The following KLHL1 variants were observed in gnomAD, a reference collection of about 807,000 sequenced individuals.
The protein encoded by KLHL1 is kelch-like protein 1.
A neutral mutation model predicts 77.7 loss-of-function variants in KLHL1; 47 were observed. The ratio of observed to expected loss-of-function variants is 0.60; its 90% confidence interval spans 0.48 to 0.77. The LOEUF is 0.77. Ranked by LOEUF, KLHL1 falls within the 30% of genes least tolerant of loss-of-function variation. The pLI is 0.00. For missense variants in KLHL1, 925 were observed against 910.8 expected, an observed-to-expected ratio of 1.02 and a Z score of -0.20; for synonymous variants, 360 against 325.2, an observed-to-expected ratio of 1.11 and a Z score of -1.15.
chr13:69,965,247 C>T (rs1230879910), intron 2 of KLHL1, among the ~76,000 whole-genome samples: 1 of 152,102 alleles, frequency 6.6e-6, no homozygotes, highest in Non-Finnish European at 1.5e-5. Flanking sequence ...CCATCAAAAC[C>T]AGTTTTCCAA....
chr13:70,006,774 A>C (rs1254207499), intron 1 of KLHL1, among the ~76,000 whole-genome samples: 1 of 152,028 alleles, frequency 6.6e-6, no homozygotes, highest in Non-Finnish European at 1.5e-5. Flanking sequence ...ATTACTATTG[A>C]CATATATATG....
intron 5 of KLHL1, among the ~76,000 whole-genome samples, chr13:69,875,735 G>A (rs1049426506): frequency 6.6e-6 from 1 of 152,086 alleles, no homozygotes; most frequent in Non-Finnish European, 1.5e-5. Flanking sequence ...AAATGATCAT[G>A]AATCTAAGTA....
intron 1 of KLHL1, among the ~76,000 whole-genome samples, chr13:70,020,805 A>C (rs7491267): frequency 0.79 from 120,106 of 152,004 alleles, 47,640 homozygotes; most frequent in East Asian, 0.91. Flanking sequence ...ATGTATATGC[A>C]TACATACACA....
chr13:70,088,234 T>C (rs1251129419), intron 1 of KLHL1, among the ~76,000 whole-genome samples: 2 of 152,094 alleles, frequency 1.3e-5, no homozygotes, highest in South Asian at 4.1e-4. Context: ...CAACAACAAA[T>C]AGATGCTCTG....
At chr13:70,083,934 A>G (rs1452738697) in intron 1 of KLHL1, among the ~76,000 whole-genome samples, 2 of 152,152 alleles carry the variant, frequency 1.3e-5, no homozygotes, top group African/African-American at 4.8e-5. Flanking sequence ...TGGCTTGACT[A>G]CCTACCACAA....
intron 1 of KLHL1, among the ~76,000 whole-genome samples, chr13:70,099,707 A>AT (rs1887878402): frequency 6.6e-6 from 1 of 151,968 alleles, no homozygotes; most frequent in South Asian, 2.1e-4. Context: ...CCATAATAAC[A>AT]TTTTTTCATT....
At chr13:69,878,642 G>A (rs963359348) in intron 5 of KLHL1, among the ~76,000 whole-genome samples, 3 of 151,656 alleles carry the variant, frequency 2.0e-5, no homozygotes, top group Admixed American at 2.0e-4. Flanking sequence ...TTACGTGTGT[G>A]TATATAAACA....
At chr13:69,955,727 T>C (rs1246587906) in intron 3 of KLHL1, among the ~76,000 whole-genome samples, 3 of 150,506 alleles carry the variant, frequency 2.0e-5, no homozygotes, top group African/African-American at 7.3e-5. Flanking sequence ...AAATATATTA[T>C]AGTTTTTCTT....
chr13:69,862,315 G>A (rs1356823695), intron 5 of KLHL1, among the ~76,000 whole-genome samples: 1 of 151,658 alleles, frequency 6.6e-6, no homozygotes, highest in Non-Finnish European at 1.5e-5. Flanking sequence ...AGAGAGAGAA[G>A]CAAATATTAG....
intron 4 of KLHL1, among the ~76,000 whole-genome samples, chr13:69,924,867 G>A (rs921545256): frequency 9.9e-5 from 15 of 152,204 alleles, no homozygotes; most frequent in African/African-American, 3.4e-4. Flanking sequence ...AGCTGTGGAA[G>A]CTGTTTGTGG....
chr13:70,094,588 T>C (rs1216020063), intron 1 of KLHL1, among the ~76,000 whole-genome samples: 1 of 152,064 alleles, frequency 6.6e-6, no homozygotes, highest in Non-Finnish European at 1.5e-5. Context: ...GAGCACAGAA[T>C]TAATCTGTAA....
intron 1 of KLHL1, among the ~76,000 whole-genome samples, chr13:70,049,125 A>T (rs1005661949): frequency 6.6e-6 from 1 of 152,076 alleles, no homozygotes; most frequent in African/African-American, 2.4e-5. Context: ...TAACTAATTG[A>T]TTTTATTTTT....
chr13:69,778,099 A>G (rs185750129), intron 7 of KLHL1, among the ~76,000 whole-genome samples: 54 of 152,214 alleles, frequency 3.5e-4, no homozygotes, highest in Non-Finnish European at 3.4e-4. Context: ...AGAAGATAGT[A>G]AAACAGTTAA....
chr13:69,961,472 G>A, intron 2 of KLHL1, 28 bp from the exon 3 acceptor site: 1 of 1,611,172 alleles, frequency 6.2e-7, no homozygotes, highest in South Asian at 1.1e-5. Context: ...TCTAATTTAG[G>A]TCGTGAATGT....
chr13:69,791,962 G>C (rs1446918077), intron 7 of KLHL1, among the ~76,000 whole-genome samples: 1 of 151,980 alleles, frequency 6.6e-6, no homozygotes, highest in African/African-American at 2.4e-5. Context: ...GCTTCCAAAG[G>C]CACGATTAAG....
intron 4 of KLHL1, among the ~76,000 whole-genome samples, chr13:69,939,340 C>CATAT (rs34074889): frequency 0.053 from 3,213 of 60,156 alleles, 170 homozygotes; most frequent in Non-Finnish European, 0.061. Context: ...CATATACATA[C>CATAT]ATATATATAT....
At chr13:69,879,170 G>A (rs566196605) in intron 5 of KLHL1, among the ~76,000 whole-genome samples, 1 of 152,010 alleles carries the variant, frequency 6.6e-6, no homozygotes, top group Non-Finnish European at 1.5e-5. Context: ...AAACCTGCAC[G>A]TTGTGCACAT....
intron 9 of KLHL1, among the ~76,000 whole-genome samples, chr13:69,708,900 A>G (rs191037438): frequency 6.6e-6 from 1 of 152,168 alleles, no homozygotes; most frequent in East Asian, 1.9e-4. Flanking sequence ...TTTTTCACCC[A>G]TTCAATTTTT....
At position 69,726,197 on chromosome 13, in the gene KLHL1, T is replaced by C. The variant is rs558277567; in HGVS notation, c.1803-6616A>G. ...GCTAAGTAGCTTGGGATATTAAATG[T>C]AATTTTCACTCACTGTATTTGGTTA... On this transcript the variant is annotated intron_variant, in intron 8 of 10. Transcript: ENST00000377844. 4.6e-5 allele frequency among the ~76,000 whole-genome samples: 7 copies of C among 152,290 alleles called. No individual in the cohort carries two copies. In the East Asian group the frequency reaches 1.4e-3, roughly 29 times the overall value.
Sources: gnomAD v4.1 joint callset for allele counts (sites outside exome capture counted in the v4.1 genomes callset) on GRCh38, gnomAD v4.1.1 for gene constraint, MANE v1.5 for transcripts, NCBI Gene and HGNC (gene_info 2026-07-23, HGNC 2026-07-21) for gene names.